The following TAF3 variants were observed in gnomAD, a reference collection of about 807,000 sequenced individuals.
TAF3 encodes the protein TATA-box binding protein associated factor 3.
A neutral mutation model predicts 80.6 loss-of-function variants in TAF3; 7 were observed. The observed-to-expected ratio is 0.09, with a 90% CI of 0.05 to 0.16. The LOEUF (loss-of-function observed/expected upper bound fraction) is 0.16. TAF3 is among the 10% of genes least tolerant of loss of function. The pLI is 1.00. For missense variants in TAF3, 921 were observed against 1,140.2 expected (o/e 0.81, Z 2.77); for synonymous variants, 444 against 446.1 (o/e 1.00, Z 0.06).
At chr10:7,896,493 G>A (rs1287087320) in intron 2 of TAF3, among the ~76,000 whole-genome samples, 2 of 152,188 alleles carry the variant, frequency 1.3e-5, no homozygotes, top group Admixed American at 1.3e-4. Flanking sequence ...AGCTGGGAAT[G>A]TTTGCTTCAT....
chr10:7,987,943 A>G (rs1296896491), intron 4 of TAF3, among the ~76,000 whole-genome samples: 2 of 152,140 alleles, frequency 1.3e-5, no homozygotes, highest in African/African-American at 4.8e-5. Flanking sequence ...CATTAAGTGC[A>G]CTACTCATGT....
chr10:7,938,047 C>A (rs1240780758), intron 2 of TAF3, among the ~76,000 whole-genome samples: 1 of 152,092 alleles, frequency 6.6e-6, no homozygotes, highest in Non-Finnish European at 1.5e-5. Context: ...GAATAAGATA[C>A]CTGTATTTAG....
At chr10:7,941,780 G>T (rs954980943) in intron 2 of TAF3, among the ~76,000 whole-genome samples, 1 of 152,186 alleles carries the variant, frequency 6.6e-6, no homozygotes, top group Non-Finnish European at 1.5e-5. Context: ...TGTGGTAGCT[G>T]GGTTTTTACA....
rs550548307 is a variant in TAF3, at chr10:7,910,537, C to G, written c.410-53383C>G. Among the ~76,000 whole-genome samples, 372 of 152,160 alleles carry G rather than the reference C, an allele frequency of 2.4e-3. 1 individual carries two copies. The highest frequency in any genetic ancestry group is 4.2e-3 in the Non-Finnish European group (285 of 68,012). ...CTGGGACTACAGGTGCCCGCCATCA[C>G]GCCTGGCTAATATTTGTATTTTTAG... On this transcript the variant is annotated intron_variant, in intron 2 of 6. Coordinates refer to ENST00000344293, the MANE Select transcript of TAF3 (RefSeq NM_031923.4).
chr10:7,880,527 C>T (rs895123683), intron 2 of TAF3, among the ~76,000 whole-genome samples: 3 of 152,090 alleles, frequency 2.0e-5, no homozygotes, highest in Admixed American at 2.0e-4. Flanking sequence ...TAACAGAAAC[C>T]TGTATTGGAA....
At chr10:7,954,122 A>C in intron 2 of TAF3, among the ~76,000 whole-genome samples, 1 of 139,106 alleles carries the variant, frequency 7.2e-6, no homozygotes, top group African/African-American at 2.6e-5. Context: ...CCATAGGTGA[A>C]TGAATGAATT....
rs117105571 is a variant in TAF3, at chr10:7,989,172, G to A, written c.2315+11849G>A. 1.1e-3 allele frequency among the ~76,000 whole-genome samples: 174 copies of A among 152,320 alleles called. 2 individuals carry two copies. In the East Asian group the frequency reaches 0.03, roughly 27 times the overall value. ...CTCTCAGTGGGCCAGCTGAGATCAC[G>A]TGACCAGCCTGAACCAATCACTGTG... On this transcript the variant is annotated intron_variant, in intron 4 of 6. Transcript: ENST00000344293.
intron 2 of TAF3, among the ~76,000 whole-genome samples, chr10:7,840,431 C>T (rs1308071679): frequency 6.6e-6 from 1 of 151,526 alleles, no homozygotes; most frequent in East Asian, 2.0e-4. Flanking sequence ...GGATTACAAG[C>T]ATGAGCCACC....
intron 2 of TAF3, among the ~76,000 whole-genome samples, chr10:7,830,547 A>C (rs1424020246): frequency 8.2e-6 from 1 of 122,184 alleles, no homozygotes; most frequent in South Asian, 2.6e-4. Flanking sequence ...GCAGTGGCGC[A>C]ATCTCGGCTC....
At chr10:7,986,141 T>G (rs543187537) in intron 4 of TAF3, among the ~76,000 whole-genome samples, 91 of 152,234 alleles carry the variant, frequency 6.0e-4, no homozygotes, top group African/African-American at 2.2e-3. Context: ...TTATTTTTTT[T>G]CCCCCTTCTT....
intron 4 of TAF3, among the ~76,000 whole-genome samples, chr10:8,003,658 G>C (rs975004310): frequency 1.3e-5 from 2 of 152,288 alleles, no homozygotes; most frequent in Middle Eastern, 3.4e-3. Flanking sequence ...CATTAAAGAA[G>C]AACTTACACC....
intron 2 of TAF3, among the ~76,000 whole-genome samples, chr10:7,910,132 A>G (rs1837644168): frequency 6.6e-6 from 1 of 152,128 alleles, no homozygotes; most frequent in African/African-American, 2.4e-5. Context: ...GTTGAGTCCA[A>G]GGATGCACAG....
At chr10:7,821,552 T>C (rs147620650) in intron 1 of TAF3, among the ~76,000 whole-genome samples, 1 of 152,240 alleles carries the variant, frequency 6.6e-6, no homozygotes, top group African/African-American at 2.4e-5. Context: ...AAGCAAGTAT[T>C]AGAAGTTACC....
At chr10:7,978,512 C>G (rs1411117700) in intron 4 of TAF3, among the ~76,000 whole-genome samples, 2 of 152,162 alleles carry the variant, frequency 1.3e-5, no homozygotes, top group South Asian at 2.1e-4. Context: ...TTCCACATTA[C>G]TCTTTTCGGT....
chr10:7,910,385 T>A (rs953764572), intron 2 of TAF3, among the ~76,000 whole-genome samples: 2 of 152,188 alleles, frequency 1.3e-5, no homozygotes, highest in African/African-American at 4.8e-5. Context: ...TATTTTATTT[T>A]ATTTATTATT....
chr10:7,883,992 C>A (rs1257169485), intron 2 of TAF3, among the ~76,000 whole-genome samples: 1 of 152,052 alleles, frequency 6.6e-6, no homozygotes, highest in Non-Finnish European at 1.5e-5. Context: ...CCAGGACCCT[C>A]GTCTTCTTAG....
At chr10:7,879,017 C>G (rs950732828) in intron 2 of TAF3, among the ~76,000 whole-genome samples, 1 of 152,064 alleles carries the variant, frequency 6.6e-6, no homozygotes. Context: ...CATAAGTCAC[C>G]GCGCCTGGCA....
At chr10:7,949,581 CA>C (rs1443505386) in intron 2 of TAF3, among the ~76,000 whole-genome samples, 6 of 152,168 alleles carry the variant, frequency 3.9e-5, no homozygotes, top group African/African-American at 1.2e-4. Context: ...CTTCATTTTA[CA>C]TAGAAGGAAC....
In TAF3 at chr10:8,009,908, C is replaced by T. The variant is rs1273458078; in HGVS notation, c.2568+578C>T. ...AGTGTGGGATTACAGGCATGAGCCA[C>T]CGTGCCCGGCTTTTTTTTTTTGAAA... On this transcript the variant is annotated intron_variant, in intron 5 of 6. Transcript: ENST00000344293. This position sits in a 1 kb window ranked among gnomAD's most constrained non-coding sequence, Gnocchi z 4.1. 6.6e-6 allele frequency among the ~76,000 whole-genome samples: 1 copy of T among 151,916 alleles called. No homozygotes were observed. The highest frequency in any genetic ancestry group is 1.5e-5 in the Non-Finnish European group (1 of 67,978).
Sources: gnomAD v4.1 joint callset for allele counts (sites outside exome capture counted in the v4.1 genomes callset) on GRCh38, gnomAD v4.1.1 for gene constraint, Gnocchi (gnomAD v3.1) non-coding constraint, MANE v1.5 for transcripts, NCBI Gene and HGNC (gene_info 2026-07-23, HGNC 2026-07-21) for gene names.